MAGI1: variants seen among roughly 807,000 people sequenced by gnomAD.
The protein encoded by MAGI1 is membrane-associated guanylate kinase, WW and PDZ domain-containing protein 1.
A neutral mutation model predicts 139.9 loss-of-function variants in MAGI1; 58 were observed. The ratio of observed to expected loss-of-function variants is 0.41; its 90% CI spans 0.34 to 0.52. The LOEUF (loss-of-function observed/expected upper bound fraction) is 0.52, where lower values mean the gene tolerates loss of function less well. Among genes scored for constraint, MAGI1 ranks in the 20% least tolerant of loss-of-function variants. The pLI is 0.12. For synonymous variants in MAGI1, 812 were observed against 737.9 expected (o/e 1.10, Z -1.63); for missense variants, 1,874 against 1,901.6 (o/e 0.99, Z 0.27).
intron 3 of MAGI1, among the ~76,000 whole-genome samples, chr3:65,482,783 A>T (rs1244553353): frequency 6.6e-6 from 1 of 152,236 alleles, no homozygotes; most frequent in Non-Finnish European, 1.5e-5. Flanking sequence ...AGTGACCAAC[A>T]TTTAAAATTA....
chr3:65,789,387 G>A (rs564423506), intron 1 of MAGI1, among the ~76,000 whole-genome samples: 24 of 152,100 alleles, frequency 1.6e-4, no homozygotes, highest in African/African-American at 4.6e-4. Context: ...AAATCATACC[G>A]GGGTGGCCAA....
At chr3:65,983,167 AAT>A (rs2065678914) in intron 1 of MAGI1, among the ~76,000 whole-genome samples, 1 of 152,156 alleles carries the variant, frequency 6.6e-6, no homozygotes, top group African/African-American at 2.4e-5. Context: ...GGTTTCTCAG[AAT>A]AGAGGAAAAG....
intron 1 of MAGI1, among the ~76,000 whole-genome samples, chr3:65,779,506 T>G (rs264115): frequency 1.6e-4 from 25 of 152,226 alleles, no homozygotes; most frequent in Admixed American, 1.6e-3. Context: ...AACTGTGAGA[T>G]GATTTAAAAA....
chr3:65,604,287 T>C (rs1364846662), intron 2 of MAGI1, among the ~76,000 whole-genome samples: 4 of 152,120 alleles, frequency 2.6e-5, no homozygotes, highest in African/African-American at 9.7e-5. Context: ...ATGATAACAT[T>C]TGAAGCTATG....
Position 65,364,638 on chromosome 3 carries a change from T to C in MAGI1, c.3351+27A>G, listed in dbSNP as rs770915680. 7.5e-6 allele frequency: 12 copies of C among 1,602,028 alleles called. No homozygotes were observed. The South Asian group carries it at 9.9e-5, about 13-fold the overall frequency. ...AAGTTGGAAGGAAACGTGCAAAGTA[T>C]AGAGAAAAAAGAGACATGGTGCTCA... On this transcript the variant is annotated intron_variant, in intron 20 of 22. Transcript: ENST00000402939.
At chr3:65,675,856 C>A (rs779050857) in intron 1 of MAGI1, among the ~76,000 whole-genome samples, 1 of 152,162 alleles carries the variant, frequency 6.6e-6, no homozygotes, top group South Asian at 2.1e-4. Context: ...TGGAAAAAAA[C>A]AATTGGGCTG....
intron 1 of MAGI1, among the ~76,000 whole-genome samples, chr3:65,743,855 T>A (rs951203550): frequency 1.3e-5 from 2 of 152,174 alleles, no homozygotes; most frequent in African/African-American, 4.8e-5. Context: ...GAACACATTT[T>A]AATATAATAA....
chr3:65,800,738 T>C (rs887118783), intron 1 of MAGI1, among the ~76,000 whole-genome samples: 1 of 152,208 alleles, frequency 6.6e-6, no homozygotes, highest in African/African-American at 2.4e-5. Flanking sequence ...TTTAAATATG[T>C]ATCCATTCCT....
In MAGI1 at chr3:65,516,980, G is replaced by A. The variant is rs181476144; in HGVS notation, c.431-23349C>T. Among the ~76,000 whole-genome samples, 1,323 of 151,244 alleles carry A rather than the reference G, an allele frequency of 8.7e-3. 9 individuals are homozygous for A. Among genetic ancestry groups the A allele is most frequent in the Non-Finnish European group, 0.013 (850 of 67,792 alleles). ...CCTGACCTCGTGATCCGCCCGCCTC[G>A]GCCTCCCAAAGTGCTGGGATTACAG... is the stretch of plus-strand genomic sequence containing the variant. On this transcript the variant is annotated intron_variant, in intron 2 of 22. Transcript: ENST00000402939.
At chr3:65,840,224 T>A (rs755583831) in intron 1 of MAGI1, among the ~76,000 whole-genome samples, 1 of 152,116 alleles carries the variant, frequency 6.6e-6, no homozygotes, top group African/African-American at 2.4e-5. Context: ...GTAGTTTATT[T>A]CTTCATCTCC....
chr3:65,674,282 G>A (rs2087045723), intron 1 of MAGI1, among the ~76,000 whole-genome samples: 1 of 152,138 alleles, frequency 6.6e-6, no homozygotes, highest in Admixed American at 6.5e-5. Context: ...CACAAGCACA[G>A]AGAAGCCGAT....
intron 1 of MAGI1, among the ~76,000 whole-genome samples, chr3:65,741,402 C>T (rs1045712065): frequency 3.9e-5 from 6 of 152,132 alleles, no homozygotes; most frequent in African/African-American, 1.4e-4. Flanking sequence ...ACTCAGTCTC[C>T]TGACCTCCTG....
chr3:65,476,614 C>T (rs1575917467), intron 4 of MAGI1, among the ~76,000 whole-genome samples: 1 of 152,112 alleles, frequency 6.6e-6, no homozygotes, highest in Non-Finnish European at 1.5e-5. Context: ...AAATAGAGGA[C>T]AAATACAGGC....
At chr3:65,382,099 A>G in intron 15 of MAGI1, 30 bp from the exon 16 acceptor site, 1 of 1,542,368 alleles carries the variant, frequency 6.5e-7, no homozygotes, top group Non-Finnish European at 8.9e-7. Context: ...TGGATGAAAC[A>G]TTGCTCTCCT....
chr3:65,775,816 G>A (rs1011198259), intron 1 of MAGI1, among the ~76,000 whole-genome samples: 2 of 151,906 alleles, frequency 1.3e-5, no homozygotes, highest in Non-Finnish European at 2.9e-5. Flanking sequence ...GGTGGCACAT[G>A]CCTGTAGTCC....
chr3:65,988,167 G>C (rs369665957), intron 1 of MAGI1, among the ~76,000 whole-genome samples: 6 of 152,280 alleles, frequency 3.9e-5, no homozygotes, highest in African/African-American at 1.4e-4. Flanking sequence ...TAAGTACCAG[G>C]AAACATTCAG....
At chr3:65,680,809 T>C (rs2087544554) in intron 1 of MAGI1, among the ~76,000 whole-genome samples, 1 of 117,476 alleles carries the variant, frequency 8.5e-6, no homozygotes, top group African/African-American at 4.3e-5. Flanking sequence ...CTTTAATAAT[T>C]ATTAAAATCA....
intron 22 of MAGI1, chr3:65,359,957 A>G: frequency 1.0e-6 from 1 of 985,420 alleles, no homozygotes; most frequent in East Asian, 1.1e-4. Context: ...AATGGTCAGA[A>G]GTTCAGTACA....
At chr3:65,656,695 A>G (rs2085894103) in intron 1 of MAGI1, among the ~76,000 whole-genome samples, 1 of 152,084 alleles carries the variant, frequency 6.6e-6, no homozygotes, top group Admixed American at 6.6e-5. Flanking sequence ...ATATATCAAG[A>G]GGTATCAAAA....
Sources: allele counts gnomAD v4.1 joint callset (sites outside exome capture counted in the v4.1 genomes callset), GRCh38; gene constraint gnomAD v4.1.1; transcripts MANE v1.5; gene names NCBI Gene and HGNC (gene_info 2026-07-23, HGNC 2026-07-21).